The following NTRK2 variants were observed in gnomAD, a reference collection of about 807,000 sequenced individuals.
The protein encoded by NTRK2 is neurotrophic receptor tyrosine kinase 2.
Under a neutral mutation model 94.5 loss-of-function variants are expected in NTRK2, and 13 were observed. The observed-to-expected ratio is 0.14, with a 90% CI of 0.09 to 0.22. The LOEUF is 0.22. Among genes scored for constraint, NTRK2 ranks in the 10% least tolerant of loss-of-function variants. The pLI, the probability that NTRK2 is intolerant of heterozygous loss-of-function variation, is 1.00. For missense variants in NTRK2, 639 were observed against 1,071.2 expected (o/e 0.60, Z 5.63); for synonymous variants, 372 against 407.4 (o/e 0.91, Z 1.05).
chr9:84,710,453 T>C (rs543535832), intron 5 of NTRK2, among the ~76,000 whole-genome samples, 184 bp from the exon 6 acceptor site: 9 of 152,336 alleles, frequency 5.9e-5, no homozygotes, highest in African/African-American at 1.9e-4. Context: ...TGTCTGCATA[T>C]AGGAGATGCT....
chr9:84,873,135 T>C lies in NTRK2; in HGVS notation c.1633+5704T>C, dbSNP rs1420091869. On this transcript the variant is annotated intron_variant, in intron 14 of 18. Coordinates refer to ENST00000277120, the MANE Select transcript of NTRK2 (RefSeq NM_006180.6). ...TGCAATCGAATGACCATGGTCCATT[T>C]TGATGGTCAGAGGTAGGACTGAAAA... The C allele has an allele frequency of 4.7e-6, 5 of 1,064,112 alleles. No individual in the cohort carries two copies. The South Asian group carries it at 1.8e-4, about 39-fold the overall frequency. 65.9% of individuals were successfully genotyped at this position (1,064,112 alleles called of 1,614,324 possible). A position where few individuals can be genotyped will look rare whatever the true frequency, so the allele number is the denominator to read the frequency against.
At chr9:84,893,215 G>A (rs2076647698) in intron 14 of NTRK2, among the ~76,000 whole-genome samples, 1 of 152,128 alleles carries the variant, frequency 6.6e-6, no homozygotes, top group South Asian at 2.1e-4. Context: ...GGCAATCACT[G>A]TTCCGACTTT....
intron 12 of NTRK2, among the ~76,000 whole-genome samples, chr9:84,859,384 G>C (rs879817723): frequency 2.6e-5 from 4 of 152,186 alleles, no homozygotes; most frequent in Non-Finnish European, 4.4e-5. Context: ...GCATAGTGTT[G>C]TAGCAATTTG....
rs530859818 is a variant in NTRK2, at chr9:84,677,669, C to A, written c.212+6709C>A. 5.3e-5 allele frequency among the ~76,000 whole-genome samples: 8 copies of A among 152,248 alleles called. 1 individual carries two copies. The South Asian group carries it at 1.7e-3, about 32-fold the overall frequency. ...ATCCTATCTAATGTCTCATTTAGGG[C>A]TCTGTCTACTCCAACCTTGGTGCCC... On this transcript the variant is annotated intron_variant, in intron 2 of 18. Coordinates refer to ENST00000277120, the MANE Select transcript of NTRK2 (RefSeq NM_006180.6).
rs1048992962 is a variant in NTRK2, at chr9:84,948,644, G to A, written c.1937+10G>A. ...TCAACAAGTTCCTCAGGTACAGTGA[G>A]GCGGGGAGGTGGGCTCCAGGAGGGA... On this transcript the variant is annotated intron_variant, in intron 16 of 18. Coordinates refer to ENST00000277120, the MANE Select transcript of NTRK2 (RefSeq NM_006180.6). 1 of 1,614,000 alleles carries A rather than the reference G, an allele frequency of 6.2e-7. No homozygotes were observed. Among genetic ancestry groups the A allele is most frequent in the South Asian group, 1.1e-5 (1 of 91,034 alleles).
intron 9 of NTRK2, among the ~76,000 whole-genome samples, chr9:84,728,235 G>C (rs2062599716): frequency 6.6e-6 from 1 of 152,136 alleles, no homozygotes. Flanking sequence ...GGCTTCCTAA[G>C]GCCTAGATTC....
At chr9:84,875,766 C>G in intron 14 of NTRK2, 3 of 1,050,614 alleles carry the variant, frequency 2.9e-6, no homozygotes, top group Non-Finnish European at 3.4e-6. Flanking sequence ...ATCATGAAAG[C>G]CTTCCTTCCT....
chr9:84,876,071 T>C (rs200340007), intron 14 of NTRK2: 1 of 1,030,964 alleles, frequency 9.7e-7, no homozygotes, highest in Non-Finnish European at 1.2e-6. Flanking sequence ...ATATTCTTTC[T>C]TATGCTGTTA....
intron 17 of NTRK2, among the ~76,000 whole-genome samples, chr9:84,999,951 C>T (rs536392217): frequency 2.2e-4 from 34 of 152,270 alleles, no homozygotes; most frequent in Admixed American, 7.2e-4. Flanking sequence ...GAAAGCACAG[C>T]GAGGAGAGGA....
chr9:84,881,245 A>C (rs2076245007), intron 14 of NTRK2, among the ~76,000 whole-genome samples: 1 of 152,222 alleles, frequency 6.6e-6, no homozygotes, highest in Admixed American at 6.5e-5. Context: ...CTGACTAATA[A>C]GACTGTCTGG....
intron 17 of NTRK2, among the ~76,000 whole-genome samples, chr9:85,006,017 C>T (rs550961468): frequency 3.3e-5 from 5 of 152,252 alleles, no homozygotes; most frequent in East Asian, 3.9e-4. Flanking sequence ...CCTGTGCCTA[C>T]GACAATGCCT....
In NTRK2 at chr9:84,881,583, A is replaced by G. The variant is rs79895762; in HGVS notation, c.1633+14152A>G. Among the ~76,000 whole-genome samples, 1,113 of 152,360 alleles carry G rather than the reference A, an allele frequency of 7.3e-3. 16 individuals are homozygous for G. The highest frequency in any genetic ancestry group is 0.038 in the Admixed American group (587 of 15,306). The stretch of plus-strand genomic sequence containing the variant: ...ATAGGTAGTAAACTGAATGAACAAA[A>G]GAATGGATGATCTTATCTACTTTGC... On this transcript the variant is annotated intron_variant, in intron 14 of 18. Coordinates refer to ENST00000277120, the MANE Select transcript of NTRK2 (RefSeq NM_006180.6).
At position 84,724,676 on chromosome 9, in the gene NTRK2, C is replaced by T. The variant is rs539380296; in HGVS notation, c.853+320C>T. 7.2e-5 allele frequency among the ~76,000 whole-genome samples: 11 copies of T among 152,128 alleles called. No individual in the cohort carries two copies. The East Asian group carries it at 1.2e-3, about 16-fold the overall frequency. On this transcript the variant is annotated intron_variant, in intron 8 of 18. Transcript: ENST00000277120. ...TGGTTAATGTTTTAGCTTAAATTTTCGTAAATCAGTTTCTAAAACTTTCTT... is the reference window on the plus strand; with the variant it reads ...TGGTTAATGTTTTAGCTTAAATTTTTGTAAATCAGTTTCTAAAACTTTCTT...
At chr9:84,801,090 G>T (rs1588693994) in intron 12 of NTRK2, among the ~76,000 whole-genome samples, 1 of 152,206 alleles carries the variant, frequency 6.6e-6, no homozygotes, top group African/African-American at 2.4e-5. Context: ...TCGTGCCTGC[G>T]AATGGAAAGC....
rs532847381 is a variant in NTRK2 at position 84,966,672 on chromosome 9, C to G, written c.2172+11155C>G. On this transcript the variant is annotated intron_variant, in intron 17 of 18. Coordinates refer to ENST00000277120, the MANE Select transcript of NTRK2 (RefSeq NM_006180.6). ...GGTCTCGAACTCCTGGCCTTATGAT[C>G]TGCCCCACTCAGCCTCCCAAAGTGC... Among the ~76,000 whole-genome samples, 22 of 152,208 alleles carry G rather than the reference C, an allele frequency of 1.4e-4. 1 individual carries two copies. The highest frequency in any genetic ancestry group is 3.3e-4 in the Admixed American group (5 of 15,298).
At chr9:84,753,410 A>G (rs1365246659) in intron 12 of NTRK2, among the ~76,000 whole-genome samples, 1 of 152,162 alleles carries the variant, frequency 6.6e-6, no homozygotes, top group Non-Finnish European at 1.5e-5. Context: ...TAGCAGGCCT[A>G]GTGTTCACCT....
At chr9:84,811,097 T>A (rs552035965) in intron 12 of NTRK2, 6 of 1,068,972 alleles carry the variant, frequency 5.6e-6, no homozygotes, top group Non-Finnish European at 6.8e-6. Flanking sequence ...ATTCAGAGGG[T>A]TTGACTTTTT....
At chr9:84,822,509 T>C (rs770709437) in intron 12 of NTRK2, among the ~76,000 whole-genome samples, 24 of 152,136 alleles carry the variant, frequency 1.6e-4, no homozygotes, top group Non-Finnish European at 2.4e-4. Flanking sequence ...GCTGCAAAGA[T>C]TTTTATCCTG....
At chr9:85,017,145 G>C (rs963299681) in intron 17 of NTRK2, among the ~76,000 whole-genome samples, 13 of 152,140 alleles carry the variant, frequency 8.5e-5, no homozygotes, top group African/African-American at 3.1e-4. Flanking sequence ...AGTGACATAT[G>C]ATGATTCTTC....
Sources: gnomAD v4.1 joint callset for allele counts (sites outside exome capture counted in the v4.1 genomes callset) on GRCh38, gnomAD v4.1.1 for gene constraint, MANE v1.5 for transcripts, NCBI Gene and HGNC (gene_info 2026-07-23, HGNC 2026-07-21) for gene names.